GAS5: variants seen among roughly 807,000 people sequenced by gnomAD.
The protein encoded by GAS5 is growth arrest specific 5 (non-protein coding).
At chr1:173,866,575 G>GA (rs1557873054) in intron 2 of GAS5, 2 of 759,036 alleles carry the variant, frequency 2.6e-6, no homozygotes, top group Middle Eastern at 2.3e-4. Context: ...GACCTGGGAA[G>GA]AAACAACTTC....
intron 2 of GAS5, chr1:173,866,653 G>A (rs186955787): frequency 1.3e-6 from 1 of 764,474 alleles, no homozygotes; most frequent in African/African-American, 1.7e-5. Flanking sequence ...TAAGATAATG[G>A]TGGTTAAGAT....
chr1:173,868,589 G>A (rs1240556424), upstream of GAS5, among the ~76,000 whole-genome samples: 5 of 152,156 alleles, frequency 3.3e-5, no homozygotes, highest in Admixed American at 3.3e-4. Context: ...TGATCTGCCG[G>A]ACCCGCCCCC....
intron 6 of GAS5, chr1:173,865,194 TAAAAA>T: frequency 6.8e-6 from 2 of 295,016 alleles, no homozygotes; most frequent in Non-Finnish European, 1.3e-5. Context: ...GACTCTTGTC[TAAAAA>T]AAAAAAAAAA....
chr1:173,868,146 T>TC (rs1392916641), upstream of GAS5: 2 of 155,956 alleles, frequency 1.3e-5, no homozygotes, highest in Admixed American at 1.3e-4. Context: ...CCGCCCCTTT[T>TC]CCCCGCCCTT....
upstream of GAS5, chr1:173,868,420 T>G (rs901301208): frequency 2.6e-5 from 4 of 153,244 alleles, no homozygotes; most frequent in African/African-American, 9.6e-5. Flanking sequence ...GTGCTGCTCC[T>G]TGACTGGACT....
At chr1:173,863,994 C>T in intron 7 of GAS5, 1 of 335,198 alleles carries the variant, frequency 3.0e-6, no homozygotes, top group South Asian at 2.3e-5. Context: ...CACTGGGAGG[C>T]TGAGGATCAC....
rs1654788981 is a variant in GAS5, at chr1:173,866,909, C to T, written n.55+82G>A. 5 of 765,358 alleles carry T rather than the reference C, an allele frequency of 6.5e-6. No homozygotes were observed. In the South Asian group the frequency reaches 6.7e-5, roughly 10 times the overall value. 47.4% of individuals were successfully genotyped at this position (765,358 alleles called of 1,614,324 possible). On this transcript the variant is annotated intron_variant and non_coding_transcript_variant, in intron 1 of 7. Coordinates refer to ENST00000651080, the Ensembl canonical transcript of GAS5. ...CAGAATAGAATTTCAGAAATCCCTT[C>T]TGTCCACTACTCTTAAAGCATCACA... is the stretch of plus-strand genomic sequence containing the variant.
At chr1:173,864,011 C>G in intron 7 of GAS5, 1 of 348,960 alleles carries the variant, frequency 2.9e-6, no homozygotes. Flanking sequence ...TCACTTGAGC[C>G]CAGAAGTTTG....
rs1557872611 is a variant in GAS5 at position 173,866,410 on chromosome 1, TGA to T, written n.131+116_131+117del. The T allele has an allele frequency of 1.8e-5, 10 of 566,620 alleles. 1 individual carries two copies. The highest frequency in any genetic ancestry group is 1.4e-4 in the South Asian group (10 of 70,926). The allele number at this position is 566,620 out of a possible 1,614,324, so 35.1% of individuals were successfully genotyped here. ...TTCAGTATTAAACTTAGTATCAATA[TGA>T]GAGCAAAATTCTCATTTGAAAAGAG... On this transcript the variant is annotated intron_variant and non_coding_transcript_variant, in intron 3 of 7. Transcript: ENST00000651080.
At chr1:173,865,270 C>A (rs772328455) in intron 6 of GAS5, 2 of 393,426 alleles carry the variant, frequency 5.1e-6, no homozygotes. Context: ...GTAGTCAAGC[C>A]GACTCTCCAT....
chr1:173,865,703 A>G (rs201497600), intron 5 of GAS5: 54 of 519,268 alleles, frequency 1.0e-4, no homozygotes, highest in South Asian at 7.0e-4. Flanking sequence ...CGTTCCAAAC[A>G]TGCTCAAGGA....
chr1:173,865,571 AT>A (rs753164616), intron 5 of GAS5: 35 of 518,368 alleles, frequency 6.8e-5, no homozygotes, highest in Non-Finnish European at 1.2e-4. Context: ...GAGGACTTCC[AT>A]TAAAATGCTA....
upstream of GAS5, chr1:173,868,080 CT>C (rs954190603): frequency 1.2e-5 from 2 of 172,414 alleles, no homozygotes; most frequent in African/African-American, 4.7e-5. Context: ...GCTCCTCCCC[CT>C]AACCTCCCTC....
At chr1:173,867,105 T>C, upstream of GAS5, 1 of 615,752 alleles carries the variant, frequency 1.6e-6, no homozygotes, top group Non-Finnish European at 2.9e-6. Flanking sequence ...TAAAGAGTGT[T>C]CTTTAAAAAA....
chr1:173,864,312 C>T (rs768562542), intron 6 of GAS5: 20 of 514,010 alleles, frequency 3.9e-5, no homozygotes, highest in South Asian at 1.8e-4. Flanking sequence ...ACCCTGAAAG[C>T]GAAGCCAACA....
rs775449543 is a variant in GAS5, at chr1:173,865,582, A to G, written n.200-35T>C. 14 of 518,934 alleles carry G rather than the reference A, an allele frequency of 2.7e-5. No homozygotes were observed. The Admixed American group carries it at 2.7e-4, about 10-fold the overall frequency. 32.1% of individuals were successfully genotyped at this position (518,934 alleles called of 1,614,324 possible). On this transcript the variant is annotated intron_variant and non_coding_transcript_variant, in intron 5 of 7. Transcript: ENST00000651080. ...AAATGAGGACTTCCATTAAAATGCT[A>G]AACATCATTAAACTCTTTTCAAAGT...
chr1:173,867,650 C>A, upstream of GAS5: 1 of 519,036 alleles, frequency 1.9e-6, no homozygotes, highest in Non-Finnish European at 3.8e-6. Context: ...TTAACAATAG[C>A]TTACTCGGGT....
chr1:173,866,389 G>A (rs752533544), intron 3 of GAS5: 2 of 544,424 alleles, frequency 3.7e-6, no homozygotes, highest in Non-Finnish European at 7.3e-6. Context: ...ATTTTCTTCA[G>A]TATTAAACTT....
At chr1:173,867,211 AC>A (rs2102693158), upstream of GAS5, 1 of 542,368 alleles carries the variant, frequency 1.8e-6, no homozygotes, top group African/African-American at 1.9e-5. Context: ...GAAGCACTGC[AC>A]CCGCAGTTAA....
Sources: gnomAD v4.1 joint callset for allele counts (sites outside exome capture counted in the v4.1 genomes callset) on GRCh38, gnomAD v4.1.1 for gene constraint, MANE v1.5 for transcripts, NCBI Gene and HGNC (gene_info 2026-07-23, HGNC 2026-07-21) for gene names.